KCNQ1: variants seen among roughly 807,000 people sequenced by gnomAD.
KCNQ1 encodes the protein potassium voltage-gated channel subfamily KQT member 1.
KCNQ1 carries 49 observed loss-of-function variants against 72.4 expected under a neutral mutation model. The observed-to-expected ratio is 0.68, with a 90% CI of 0.54 to 0.86. The LOEUF is 0.86. KCNQ1 is among the 40% of genes least tolerant of loss of function. KCNQ1 has a pLI of 0.00. For synonymous variants in KCNQ1, 450 were observed against 412.6 expected (o/e 1.09, Z -1.10); for missense variants, 790 against 945.1 (o/e 0.84, Z 2.15).
chr11:2,702,870 C>T (rs1009204273), intron 11 of KCNQ1, among the ~76,000 whole-genome samples: 2 of 152,338 alleles, frequency 1.3e-5, no homozygotes, highest in South Asian at 4.2e-4. Flanking sequence ...ATGTCCTCTG[C>T]TCCTCACCCC....
At chr11:2,754,205 G>C (rs1846266205) in intron 11 of KCNQ1, among the ~76,000 whole-genome samples, 1 of 152,224 alleles carries the variant, frequency 6.6e-6, no homozygotes, top group Admixed American at 6.5e-5. Flanking sequence ...AGCGAGGCTA[G>C]CCATGCCATG....
At chr11:2,546,197 T>A (rs1178176788) in intron 2 of KCNQ1, among the ~76,000 whole-genome samples, 1 of 152,216 alleles carries the variant, frequency 6.6e-6, no homozygotes, top group African/African-American at 2.4e-5. Context: ...CTTTTTAACT[T>A]CTTCTCTGGT....
chr11:2,693,296 C>G, intron 11 of KCNQ1: 1 of 398,786 alleles, frequency 2.5e-6, no homozygotes, highest in Non-Finnish European at 4.4e-6. Context: ...CACAACTGCT[C>G]TTAGCACCCA....
In KCNQ1 at chr11:2,625,575, GCC is replaced by G; in HGVS notation, c.1394-36384_1394-36383del. ...GGAGATACGTCTGTCCAAGTCCTTT[GCC>G]CTTTTTTTTTTTTTTTTGAGATGGA... On this transcript the variant is annotated intron_variant, in intron 10 of 15. Coordinates refer to ENST00000155840, the MANE Select transcript of KCNQ1 (RefSeq NM_000218.3). 8.5e-6 allele frequency: 3 copies of G among 354,926 alleles called. No homozygotes were observed. The East Asian group carries it at 1.2e-4, about 14-fold the overall frequency. 22.0% of individuals were successfully genotyped at this position (354,926 alleles called of 1,614,324 possible).
At chr11:2,640,785 C>A in intron 10 of KCNQ1, 1 of 398,480 alleles carries the variant, frequency 2.5e-6, no homozygotes. Flanking sequence ...TTTATTCTAA[C>A]TAGCTGTGTA....
At position 2,664,759 on chromosome 11, in the gene KCNQ1, C is replaced by T; in HGVS notation, c.1514+2678C>T. On this transcript the variant is annotated intron_variant, in intron 11 of 15. Transcript: ENST00000155840. The surrounding 1 kb of genome is among the most constrained non-coding windows in gnomAD (Gnocchi z 5.1). ...GGGACAGGGATGTGTGCTGGGGTCT[C>T]ACAGGGGGCAGAGTGGGTGGGAGGC... The T allele has an allele frequency of 2.5e-6, 1 of 398,760 alleles. No individual in the cohort carries two copies. Among genetic ancestry groups the T allele is most frequent in the Admixed American group, 4.4e-5 (1 of 22,738 alleles). The allele number at this position is 398,760 out of a possible 1,614,324, so 24.7% of individuals were successfully genotyped here.
intron 11 of KCNQ1, among the ~76,000 whole-genome samples, chr11:2,726,106 G>A (rs1845757496): frequency 1.3e-5 from 2 of 152,210 alleles, no homozygotes; most frequent in Admixed American, 1.3e-4. Context: ...AAGGGCTGGG[G>A]ACGGCCTCTT....
In KCNQ1 at chr11:2,847,921, C is replaced by T; in HGVS notation, c.1949C>T (p.Pro650Leu). ...TGCGGCAGTGGCGGCTCCGTCGACCCTGAGCTCTTCCTGCCCAGCAACACC... is the reference window on the plus strand; with the variant it reads ...TGCGGCAGTGGCGGCTCCGTCGACCTTGAGCTCTTCCTGCCCAGCAACACC... ...QPCGSGGSVD[P>L]ELFLPSNTLP... Residue 650 changes from proline to leucine, a missense_variant, in exon 16 of 16, where the codon CCT becomes CTT. By Grantham distance (98) the Pro-to-Leu change is moderately conservative (BLOSUM62 -3). This residue lies in a region of KCNQ1 where 94 missense variants were observed against 85.2 expected (regional missense o/e 1.10). Coordinates refer to ENST00000155840, the MANE Select transcript of KCNQ1 (RefSeq NM_000218.3). 3 of 1,576,374 alleles carry T rather than the reference C, an allele frequency of 1.9e-6. No homozygotes were observed. The highest frequency in any genetic ancestry group is 2.6e-6 in the Non-Finnish European group (3 of 1,160,780).
rs1470831906 is a variant in KCNQ1, at chr11:2,678,169, T to C, written c.1514+16088T>C. The C allele has an allele frequency of 5.0e-6, 2 of 398,234 alleles. No individual in the cohort carries two copies. The highest frequency in any genetic ancestry group is 8.9e-6 in the Non-Finnish European group (2 of 225,950). 24.7% of individuals were successfully genotyped at this position (398,234 alleles called of 1,614,324 possible). A position where few individuals can be genotyped will look rare whatever the true frequency, so the allele number is the denominator to read the frequency against. ...AGGTGTTTTGGCTTTTTCTATAATATTTTTCTGGTGGCAGAATTTTTTTAA... is the reference window on the plus strand; with the variant it reads ...AGGTGTTTTGGCTTTTTCTATAATACTTTTCTGGTGGCAGAATTTTTTTAA... On this transcript the variant is annotated intron_variant, in intron 11 of 15. Coordinates refer to ENST00000155840, the MANE Select transcript of KCNQ1 (RefSeq NM_000218.3). The surrounding 1 kb of genome is among the most constrained non-coding windows in gnomAD (Gnocchi z 4.9).
At position 2,784,173 on chromosome 11, in the gene KCNQ1, T is replaced by C. The variant is rs1846873866; in HGVS notation, c.1794+6136T>C. On this transcript the variant is annotated intron_variant, in intron 15 of 15. Coordinates refer to ENST00000155840, the MANE Select transcript of KCNQ1 (RefSeq NM_000218.3). The surrounding 1 kb of genome is among the most constrained non-coding windows in gnomAD (Gnocchi z 4.7). Reference sequence around the variant, plus strand: ...GGTCTATATTTACTTTGAGGTAATTTTGGGGTATGATATGAAGTAAAGTCT... The same window carrying C: ...GGTCTATATTTACTTTGAGGTAATTCTGGGGTATGATATGAAGTAAAGTCT... Among the ~76,000 whole-genome samples the C allele has an allele frequency of 6.6e-6, 1 of 151,976 alleles. No individual in the cohort carries two copies. Among genetic ancestry groups the C allele is most frequent in the Admixed American group, 6.5e-5 (1 of 15,280 alleles).
intron 15 of KCNQ1, among the ~76,000 whole-genome samples, chr11:2,798,390 T>C (rs151316): frequency 0.73 from 111,611 of 152,042 alleles, 41,688 homozygotes; most frequent in Non-Finnish European, 0.81. Flanking sequence ...CATGGTCATC[T>C]GAGCCGTTCC....
chr11:2,634,376 C>T (rs1269784928), intron 10 of KCNQ1: 4 of 222,390 alleles, frequency 1.8e-5, no homozygotes, highest in South Asian at 2.1e-4. Context: ...CCCCTTCCTA[C>T]GTCCAAGTGT....
At chr11:2,525,933 A>G (rs1308498343) in intron 1 of KCNQ1, among the ~76,000 whole-genome samples, 1 of 152,174 alleles carries the variant, frequency 6.6e-6, no homozygotes, top group East Asian at 1.9e-4. Context: ...TAGGGGGTGG[A>G]CAACAGACTC....
At chr11:2,812,889 C>A (rs2134042556) in intron 15 of KCNQ1, among the ~76,000 whole-genome samples, 1 of 152,366 alleles carries the variant, frequency 6.6e-6, no homozygotes, top group East Asian at 1.9e-4. Flanking sequence ...GTGCCATGGC[C>A]AGCCCTCAAA....
At chr11:2,517,476 C>T (rs938528767) in intron 1 of KCNQ1, among the ~76,000 whole-genome samples, 1 of 152,158 alleles carries the variant, frequency 6.6e-6, no homozygotes, top group Admixed American at 6.5e-5. Context: ...GTTGAGTCCC[C>T]GCTGCGTCAC....
intron 15 of KCNQ1, among the ~76,000 whole-genome samples, chr11:2,831,241 G>A (rs1274731324): frequency 6.6e-6 from 1 of 152,202 alleles, no homozygotes; most frequent in Non-Finnish European, 1.5e-5. Context: ...TCCCTGAGGA[G>A]GCACCTCAGC....
rs550440418 is a variant in KCNQ1 at position 2,782,992 on chromosome 11, G to C, written c.1794+4955G>C. On this transcript the variant is annotated intron_variant, in intron 15 of 15. Transcript: ENST00000155840. The surrounding 1 kb of genome is among the most constrained non-coding windows in gnomAD (Gnocchi z 6.1). Reference sequence around the variant, plus strand: ...TCTTTCTCTAACCTCTCTAAATTAAGAAGAGGATAATTCTTAATTTTCAGG... The same window carrying C: ...TCTTTCTCTAACCTCTCTAAATTAACAAGAGGATAATTCTTAATTTTCAGG... Among the ~76,000 whole-genome samples, 3 of 152,124 alleles carry C rather than the reference G, an allele frequency of 2.0e-5. No individual in the cohort carries two copies. The highest frequency in any genetic ancestry group is 1.3e-4 in the Admixed American group (2 of 15,276).
intron 15 of KCNQ1, among the ~76,000 whole-genome samples, chr11:2,804,008 C>A (rs1054879908): frequency 6.6e-6 from 1 of 152,078 alleles, no homozygotes; most frequent in East Asian, 1.9e-4. Flanking sequence ...ATCGGGGAGT[C>A]GAAGGCAGAG....
intron 11 of KCNQ1, among the ~76,000 whole-genome samples, chr11:2,747,965 C>T (rs1393898348): frequency 6.6e-6 from 1 of 152,162 alleles, no homozygotes; most frequent in Non-Finnish European, 1.5e-5. Context: ...GTCTTGAAAA[C>T]AGACCAGAAC....
Sources: gnomAD v4.1 joint callset for allele counts (sites outside exome capture counted in the v4.1 genomes callset) on GRCh38, gnomAD v4.1.1 for gene constraint, gnomAD v4.1.1 regional missense constraint, Gnocchi (gnomAD v3.1) non-coding constraint, MANE v1.5 for transcripts, NCBI Gene and HGNC (gene_info 2026-07-23, HGNC 2026-07-21) for gene names.